KLRG1: variants seen among roughly 807,000 people sequenced by gnomAD.
The protein encoded by KLRG1 is killer cell lectin-like receptor subfamily G member 1.
KLRG1 carries 16 observed loss-of-function variants against 21.8 expected under a neutral mutation model. The observed-to-expected ratio is 0.73, with a 90% CI of 0.50 to 1.11. KLRG1 has a LOEUF of 1.11. Among genes scored for constraint, KLRG1 ranks in the 50% most tolerant of loss-of-function variants. The pLI is 0.00. For missense variants in KLRG1, 173 were observed against 218.3 expected, an observed-to-expected ratio of 0.79 and a Z score of 1.31; for synonymous variants, 69 against 75.9, an observed-to-expected ratio of 0.91 and a Z score of 0.47.
chr12:9,110,359 T>C, the KLRG1 span: 1 of 1,346,188 alleles, frequency 7.4e-7, no homozygotes, highest in Non-Finnish European at 1.0e-6. Context: ...AAAAAAGAAG[T>C]TTATAATTAT....
the KLRG1 span, chr12:9,152,732 C>T: frequency 7.5e-7 from 1 of 1,329,412 alleles, no homozygotes; most frequent in East Asian, 2.4e-5. Flanking sequence ...TTATATTAAT[C>T]TAATAACATA....
chr12:9,026,681 T>A, the KLRG1 span, among the ~76,000 whole-genome samples: 1 of 152,164 alleles, frequency 6.6e-6, no homozygotes. Flanking sequence ...TTTTTTCTTT[T>A]TTTCTTTTTT....
At chr12:9,157,271 T>C in the KLRG1 span, 1 of 1,614,058 alleles carries the variant, frequency 6.2e-7, no homozygotes, top group Non-Finnish European at 8.5e-7. Flanking sequence ...AATGCCTTGG[T>C]GTAGACATGG....
At chr12:9,192,012 C>T in the KLRG1 span, among the ~76,000 whole-genome samples, 1 of 152,146 alleles carries the variant, frequency 6.6e-6, no homozygotes, top group African/African-American at 2.4e-5. Context: ...AGTAGACAAT[C>T]ACATTTATCT....
chr12:9,119,064 C>T, the KLRG1 span, among the ~76,000 whole-genome samples: 45 of 152,062 alleles, frequency 3.0e-4, no homozygotes, highest in Non-Finnish European at 5.3e-4. Flanking sequence ...CGGAAGGGAC[C>T]GCTTTAGTAA....
the KLRG1 span, chr12:9,036,957 T>G: frequency 4.7e-5 from 12 of 256,778 alleles, no homozygotes; most frequent in South Asian, 6.4e-4. Flanking sequence ...GAGGCTCAGT[T>G]TATCAGAGGG....
the KLRG1 span, among the ~76,000 whole-genome samples, chr12:9,038,264 T>C: frequency 2.7e-4 from 41 of 152,054 alleles, no homozygotes; most frequent in South Asian, 3.5e-3. Flanking sequence ...CTGCAAGGAA[T>C]TGGCTCATGG....
the KLRG1 span, chr12:9,181,914 A>T: frequency 1.3e-6 from 2 of 1,550,600 alleles, no homozygotes; most frequent in South Asian, 2.4e-5. Flanking sequence ...CTGGGGTAAA[A>T]TAGATGGCAC....
chr12:9,151,659 CTAG>C, the KLRG1 span: 1 of 1,613,676 alleles, frequency 6.2e-7, no homozygotes, highest in Non-Finnish European at 8.5e-7. Context: ...GCTCACAGAG[CTAG>C]ATCTTTCAAG....
At chr12:9,098,294 C>A in the KLRG1 span, 1 of 158,900 alleles carries the variant, frequency 6.3e-6, no homozygotes, top group African/African-American at 2.4e-5. Flanking sequence ...TGCTCTTGAG[C>A]AAGAAGCTTA....
At chr12:9,164,266 C>T in the KLRG1 span, 27 of 1,611,834 alleles carry the variant, frequency 1.7e-5, no homozygotes, top group Non-Finnish European at 2.1e-5. Flanking sequence ...TGACCTATCA[C>T]CCCATGTGAG....
At chr12:9,071,989 A>G in the KLRG1 span, among the ~76,000 whole-genome samples, 2 of 152,224 alleles carry the variant, frequency 1.3e-5, no homozygotes, top group Non-Finnish European at 2.9e-5. Context: ...TAGGAATTCT[A>G]ACTAAGGAGT....
chr12:9,190,721 T>C, the KLRG1 span, among the ~76,000 whole-genome samples: 1 of 152,122 alleles, frequency 6.6e-6, no homozygotes, highest in South Asian at 2.1e-4. Flanking sequence ...TAATAATAAA[T>C]AATAAAATTT....
At chr12:9,033,772 C>G in the KLRG1 span, among the ~76,000 whole-genome samples, 14 of 152,328 alleles carry the variant, frequency 9.2e-5, 1 homozygote, top group East Asian at 2.7e-3. Flanking sequence ...CTTCAAGGCT[C>G]AGCTTCACTA....
At chr12:9,087,969 G>A in the KLRG1 span, among the ~76,000 whole-genome samples, 2 of 151,882 alleles carry the variant, frequency 1.3e-5, no homozygotes, top group Non-Finnish European at 2.9e-5. Context: ...AACCAATATA[G>A]GAAGACTAAA....
At chr12:9,172,694 C>G in the KLRG1 span, among the ~76,000 whole-genome samples, 1 of 152,126 alleles carries the variant, frequency 6.6e-6, no homozygotes, top group Non-Finnish European at 1.5e-5. Flanking sequence ...TCTGACAAAA[C>G]AGACTTTAAA....
At chr12:9,206,732 C>T in the KLRG1 span, among the ~76,000 whole-genome samples, 74 of 152,066 alleles carry the variant, frequency 4.9e-4, no homozygotes, top group African/African-American at 1.7e-3. Flanking sequence ...GGAGAAAACA[C>T]CCCTTCTGCT....
At chr12:8,979,527 T>A (rs1376595237) in intron 1 of KLRG1, among the ~76,000 whole-genome samples, 1 of 152,232 alleles carries the variant, frequency 6.6e-6, no homozygotes, top group African/African-American at 2.4e-5. Flanking sequence ...TTAATTATAA[T>A]GTGTCTAGGT....
the KLRG1 span, chr12:9,165,394 G>C: frequency 6.2e-7 from 1 of 1,611,630 alleles, no homozygotes; most frequent in Non-Finnish European, 8.5e-7. Flanking sequence ...GTGAAGAACA[G>C]AAATAATGAA....
Sources: allele counts gnomAD v4.1 joint callset (sites outside exome capture counted in the v4.1 genomes callset), GRCh38; gene constraint gnomAD v4.1.1; transcripts MANE v1.5; gene names NCBI Gene and HGNC (gene_info 2026-07-23, HGNC 2026-07-21).